Variants in BRINP1 observed in about 807,000 individuals in gnomAD.
The protein encoded by BRINP1 is BMP/retinoic acid-inducible neural-specific protein 1.
In BRINP1, 17 loss-of-function variants were observed where a neutral mutation model predicts 72.9. The ratio of observed to expected loss-of-function variants is 0.23; its 90% CI spans 0.16 to 0.35. The LOEUF (loss-of-function observed/expected upper bound fraction) is 0.35. BRINP1 is among the 10% of genes least tolerant of loss of function. The pLI is 1.00. For synonymous variants in BRINP1, 418 were observed against 378.5 expected (o/e 1.10, Z -1.21); for missense variants, 850 against 1,001.6 (o/e 0.85, Z 2.04).
chr9:119,299,490 G>A (rs1588196621), intron 2 of BRINP1, among the ~76,000 whole-genome samples: 2 of 151,980 alleles, frequency 1.3e-5, no homozygotes, highest in South Asian at 2.1e-4. Flanking sequence ...GCACATGCCT[G>A]TAATCCCAGC....
chr9:119,336,537 G>C (rs557134750), intron 1 of BRINP1, among the ~76,000 whole-genome samples: 2 of 152,170 alleles, frequency 1.3e-5, no homozygotes, highest in East Asian at 3.9e-4. Context: ...AGGGTGGGCT[G>C]TGAGGGTGGG....
chr9:119,353,698 A>G (rs1831527349), intron 1 of BRINP1, among the ~76,000 whole-genome samples: 1 of 151,992 alleles, frequency 6.6e-6, no homozygotes, highest in Admixed American at 6.6e-5. Flanking sequence ...CCAATAATTG[A>G]GGGCCTTCTA....
chr9:119,282,183 C>T (rs792932), intron 2 of BRINP1, among the ~76,000 whole-genome samples: 69,896 of 152,050 alleles, frequency 0.46, 16,403 homozygotes, highest in African/African-American at 0.52. Context: ...GATTCTTGTC[C>T]CACACCCACC....
chr9:119,338,628 T>C (rs1831374514), intron 1 of BRINP1, among the ~76,000 whole-genome samples: 1 of 147,028 alleles, frequency 6.8e-6, no homozygotes, highest in South Asian at 2.2e-4. Flanking sequence ...ATCCCAGCAC[T>C]TTGGGAGGCC....
At chr9:119,347,021 T>A (rs1451304071) in intron 1 of BRINP1, among the ~76,000 whole-genome samples, 1 of 152,158 alleles carries the variant, frequency 6.6e-6, no homozygotes, top group African/African-American at 2.4e-5. Flanking sequence ...CTTCTTCAGG[T>A]ACAGCAGAAA....
chr9:119,362,848 T>G (rs968513723), intron 1 of BRINP1, among the ~76,000 whole-genome samples: 1 of 152,202 alleles, frequency 6.6e-6, no homozygotes, highest in Non-Finnish European at 1.5e-5. Context: ...CAAAAGTACT[T>G]GACAATGACC....
At chr9:119,199,528 G>A (rs1010400625) in intron 7 of BRINP1, among the ~76,000 whole-genome samples, 3 of 152,172 alleles carry the variant, frequency 2.0e-5, no homozygotes, top group Non-Finnish European at 2.9e-5. Flanking sequence ...GCTAAGGCTC[G>A]GACTGCTGGG....
At chr9:119,210,814 C>G (rs1277515773) in intron 6 of BRINP1, among the ~76,000 whole-genome samples, 1 of 152,162 alleles carries the variant, frequency 6.6e-6, no homozygotes. Flanking sequence ...TCCCCATCTG[C>G]TAACAGGAAT....
At chr9:119,281,970 T>C (rs1208438094) in intron 2 of BRINP1, among the ~76,000 whole-genome samples, 1 of 152,224 alleles carries the variant, frequency 6.6e-6, no homozygotes, top group African/African-American at 2.4e-5. Flanking sequence ...GCAGTAAATA[T>C]TGTTAAGTGT....
chr9:119,356,150 C>T lies in BRINP1; in HGVS notation c.-51+12906G>A, dbSNP rs1268568342. ...TCTGTATACACTGACAGTCCCATCTCAAAAATGTTATGCTTGCTGTCTCCA... is the reference window on the plus strand; with the variant it reads ...TCTGTATACACTGACAGTCCCATCTTAAAAATGTTATGCTTGCTGTCTCCA... On this transcript the variant is annotated intron_variant, in intron 1 of 7. Coordinates refer to ENST00000265922, the MANE Select transcript of BRINP1 (RefSeq NM_014618.3). 4.6e-5 allele frequency among the ~76,000 whole-genome samples: 7 copies of T among 152,206 alleles called. No homozygotes were observed. The South Asian group carries it at 1.5e-3, about 32-fold the overall frequency.
chr9:119,232,838 T>C (rs1830160375), intron 5 of BRINP1, among the ~76,000 whole-genome samples: 1 of 151,946 alleles, frequency 6.6e-6, no homozygotes, highest in Non-Finnish European at 1.5e-5. Context: ...TTAAATTACA[T>C]GACAATGTTG....
intron 1 of BRINP1, among the ~76,000 whole-genome samples, chr9:119,363,150 T>G (rs1323144534): frequency 6.6e-6 from 1 of 152,242 alleles, no homozygotes; most frequent in East Asian, 1.9e-4. Flanking sequence ...CTTGCTCAGC[T>G]GTAGTATAGT....
chr9:119,243,054 G>C (rs1353994030), intron 3 of BRINP1, among the ~76,000 whole-genome samples: 3 of 151,724 alleles, frequency 2.0e-5, no homozygotes, highest in Non-Finnish European at 4.4e-5. Context: ...TCACAAACTG[G>C]TGCAAATTTT....
chr9:119,224,930 G>A (rs556275073), intron 5 of BRINP1, among the ~76,000 whole-genome samples: 1 of 151,936 alleles, frequency 6.6e-6, no homozygotes, highest in Non-Finnish European at 1.5e-5. Flanking sequence ...TAGAGGAAAC[G>A]AACAATAATG....
At chr9:119,237,889 T>C (rs563051873) in intron 5 of BRINP1, among the ~76,000 whole-genome samples, 1 of 152,210 alleles carries the variant, frequency 6.6e-6, no homozygotes, top group Admixed American at 6.5e-5. Flanking sequence ...CTTAAACTCC[T>C]GACCTCGTGA....
intron 7 of BRINP1, among the ~76,000 whole-genome samples, chr9:119,175,562 C>G (rs1046304668): frequency 2.6e-5 from 4 of 152,072 alleles, no homozygotes; most frequent in Non-Finnish European, 4.4e-5. Context: ...TTCCAGAGCT[C>G]CAAACTCTCC....
intron 1 of BRINP1, among the ~76,000 whole-genome samples, chr9:119,345,257 T>C (rs1325147207): frequency 6.6e-6 from 1 of 152,198 alleles, no homozygotes; most frequent in Non-Finnish European, 1.5e-5. Flanking sequence ...CTTAACTCCA[T>C]GTTAGACTTT....
intron 7 of BRINP1, among the ~76,000 whole-genome samples, chr9:119,174,203 T>C (rs1231800225): frequency 2.0e-5 from 3 of 149,864 alleles, no homozygotes; most frequent in Non-Finnish European, 4.4e-5. Flanking sequence ...GAGAAAATTT[T>C]TGCAACCTAC....
At chr9:119,301,869 C>T (rs1236360914) in intron 2 of BRINP1, among the ~76,000 whole-genome samples, 6 of 152,188 alleles carry the variant, frequency 3.9e-5, no homozygotes, top group Admixed American at 3.3e-4. Context: ...TATTCCAAGA[C>T]AGTTTCCTCT....
Sources: allele counts gnomAD v4.1 joint callset (sites outside exome capture counted in the v4.1 genomes callset), GRCh38; gene constraint gnomAD v4.1.1; transcripts MANE v1.5; gene names NCBI Gene and HGNC (gene_info 2026-07-23, HGNC 2026-07-21).